FN1: variants seen among roughly 807,000 people sequenced by gnomAD.
The protein encoded by FN1 is fibronectin.
In FN1, 106 loss-of-function variants were observed where a neutral mutation model predicts 297.3. The observed-to-expected ratio is 0.36, with a 90% CI of 0.30 to 0.42. The LOEUF (loss-of-function observed/expected upper bound fraction) is 0.42, where lower values mean the gene tolerates loss of function less well. FN1 is among the 10% of genes least tolerant of loss of function. FN1 has a pLI of 1.00. For missense variants in FN1, 2,690 were observed against 3,124.9 expected (o/e 0.86, Z 3.32); for synonymous variants, 1,149 against 1,152.6 (o/e 1.00, Z 0.06).
At chr2:215,399,147 G>A in intron 21 of FN1, 110 bp downstream of exon 21, 1 of 786,786 alleles carries the variant, frequency 1.3e-6, no homozygotes, top group Non-Finnish European at 2.3e-6. Flanking sequence ...GACAGAAGCA[G>A]GTGACAAAAC....
At chr2:215,374,527 T>A (rs2056895183) in intron 38 of FN1, among the ~76,000 whole-genome samples, 1 of 152,196 alleles carries the variant, frequency 6.6e-6, no homozygotes, top group South Asian at 2.1e-4. Flanking sequence ...TGTGTGCTTC[T>A]CTCTCCTGCT....
At chr2:215,375,905 G>A (rs1261399244) in intron 36 of FN1, among the ~76,000 whole-genome samples, 187 bp from the exon 37 acceptor site, 4 of 152,166 alleles carry the variant, frequency 2.6e-5, no homozygotes, top group Non-Finnish European at 4.4e-5. Flanking sequence ...AACATATCTC[G>A]AAAGTGAATC....
intron 6 of FN1, among the ~76,000 whole-genome samples, chr2:215,426,147 T>C (rs905651777): frequency 3.4e-5 from 1 of 29,346 alleles, no homozygotes; most frequent in African/African-American, 2.7e-4. Context: ...TTTTTTCTTT[T>C]TTTTTTTTTT....
Position 215,407,111 on chromosome 2 carries a change from T to G in FN1, c.2713+16A>C. 1 of 1,597,698 alleles carries G rather than the reference T, an allele frequency of 6.3e-7. No homozygotes were observed. The highest frequency in any genetic ancestry group is 8.6e-7 in the Non-Finnish European group (1 of 1,165,394). On this transcript the variant is annotated intron_variant, in intron 18 of 45. Transcript: ENST00000354785. ...CTGATAAGATAACATAGGAAGTGTCTTCTTAAAAAAGTTACCTGAGCGTGG... is the reference window on the plus strand; with the variant it reads ...CTGATAAGATAACATAGGAAGTGTCGTCTTAAAAAAGTTACCTGAGCGTGG...
chr2:215,433,945 T>C (rs1261198200), intron 2 of FN1, among the ~76,000 whole-genome samples: 1 of 152,044 alleles, frequency 6.6e-6, no homozygotes, highest in African/African-American at 2.4e-5. Flanking sequence ...CTACTAAAAA[T>C]ATGAAAATTA....
chr2:215,376,771 C>A (rs1559366982), intron 35 of FN1, 97 bp from the exon 36 acceptor site: 1 of 1,050,378 alleles, frequency 9.5e-7, no homozygotes, highest in East Asian at 2.5e-5. Context: ...TCAAATTCAT[C>A]CATTTCAAGA....
chr2:215,411,857 C>T (rs185280396), intron 13 of FN1, among the ~76,000 whole-genome samples: 23 of 151,914 alleles, frequency 1.5e-4, no homozygotes, highest in African/African-American at 4.8e-4. Flanking sequence ...TTAATAGAGA[C>T]GGGGTTTCAC....
intron 43 of FN1, among the ~76,000 whole-genome samples, 167 bp from the exon 44 acceptor site, chr2:215,365,152 T>C (rs2054275598): frequency 1.3e-5 from 2 of 152,094 alleles, no homozygotes; most frequent in Non-Finnish European, 2.9e-5. Context: ...GATCTTAGGG[T>C]GGCACTTCCA....
chr2:215,375,297 A>G lies in FN1; in HGVS notation c.6074T>C (p.Ile2025Thr). 1 of 1,614,122 alleles carries G rather than the reference A, an allele frequency of 6.2e-7. No individual in the cohort carries two copies. ...QPPRARITGY[I>T]IKYEKPGSPP... ...AGACCCAGGCTTCTCATACTTGATG[A>G]TGTAGCCGGTAATCCTGGCACGTGG... The change falls in exon 38 of 46, where the codon ATC (isoleucine) becomes ACC (threonine). Residue 2025 changes from isoleucine to threonine, a missense_variant. Around this residue, in one of 3 missense-constraint regions of FN1, gnomAD observed 1,743 missense variants for 1,945.2 expected, o/e 0.90. Coordinates refer to ENST00000354785, the MANE Select transcript of FN1 (RefSeq NM_212482.4).
At chr2:215,397,271 G>T in intron 22 of FN1, 48 bp from the exon 23 acceptor site, 1 of 1,352,460 alleles carries the variant, frequency 7.4e-7, no homozygotes, top group South Asian at 1.2e-5. Context: ...CAAAGCTCTT[G>T]ACCTGTGTAA....
chr2:215,391,625 T>A lies in FN1; in HGVS notation c.4252+7A>T. 6.2e-7 allele frequency: 1 copy of A among 1,609,886 alleles called. No homozygotes were observed. Among genetic ancestry groups the A allele is most frequent in the South Asian group, 1.1e-5 (1 of 90,994 alleles). On this transcript the variant is annotated splice_region_variant and intron_variant, in intron 26 of 45. Transcript: ENST00000354785. The stretch of plus-strand genomic sequence containing the variant: ...TATTTATGGAACAGATACATTCAAC[T>A]GCTTACTTGTTAAGACCACTGCATT...
At position 215,380,905 on chromosome 2, in the gene FN1, C is replaced by T; in HGVS notation, c.5340G>A (p.Leu1780=). The T allele has an allele frequency of 1.9e-6, 3 of 1,614,206 alleles. No homozygotes were observed. The highest frequency in any genetic ancestry group is 2.5e-6 in the Non-Finnish European group (3 of 1,180,034). Residue 1780 remains leucine, a synonymous_variant, in exon 33 of 46, where the codon CTG becomes CTA. Coordinates refer to ENST00000354785, the MANE Select transcript of FN1 (RefSeq NM_212482.4). ...ACTCAGAACCCGGTCTGAGGCCTTG[C>T]AGCTCTGCAGTGTCTTCTTCACCAT... The part of the protein sequence containing the change: ...APDGEEDTAE[L]QGLRPGSEYT...
In FN1 at chr2:215,375,203, A is replaced by C. The variant is rs2057050537; in HGVS notation, c.6157+11T>G. 5 of 1,613,618 alleles carry C rather than the reference A, an allele frequency of 3.1e-6. No homozygotes were observed. The African/African-American group carries it at 5.3e-5, about 17-fold the overall frequency. ...GTAAGAAGGAAAATGACAGCATGGA[A>C]GCAGCAATACCAGTAATAGTAGCCT... On this transcript the variant is annotated intron_variant, in intron 38 of 45. Transcript: ENST00000354785.
chr2:215,373,382 A>G lies in FN1; in HGVS notation c.6187T>C (p.Tyr2063His). The change falls in exon 39 of 46, where the codon TAT becomes CAT. Residue 2063 changes from tyrosine (Y) to histidine (H), a missense_variant. Transcript: ENST00000354785. ...TGATTATTCTTCAGGGCAATGACAT[A>G]AATTGTATATTCGGTTCCCGGTTCC... ...GLEPGTEYTI[Y>H]VIALKNNQKS... The G allele has an allele frequency of 1.2e-6, 2 of 1,613,424 alleles. No individual in the cohort carries two copies. The highest frequency in any genetic ancestry group is 8.5e-7 in the Non-Finnish European group (1 of 1,179,540).
chr2:215,407,122 G>A lies in FN1; in HGVS notation c.2713+5C>T. The A allele has an allele frequency of 2.5e-6, 4 of 1,612,238 alleles. No individual in the cohort carries two copies. The highest frequency in any genetic ancestry group is 3.4e-6 in the Non-Finnish European group (4 of 1,178,476). On this transcript the variant is annotated splice_donor_5th_base_variant and intron_variant, in intron 18 of 45. Transcript: ENST00000354785. ...ACATAGGAAGTGTCTTCTTAAAAAA[G>A]TTACCTGAGCGTGGGGTGCCAGTGG...
chr2:215,416,522 A>G (rs992231689), intron 12 of FN1, among the ~76,000 whole-genome samples: 3 of 152,188 alleles, frequency 2.0e-5, no homozygotes, highest in East Asian at 1.9e-4. Flanking sequence ...TAAATCAGGA[A>G]AGCTAGGAAT....
chr2:215,378,990 G>T, intron 34 of FN1, 140 bp downstream of exon 34: 2 of 843,800 alleles, frequency 2.4e-6, no homozygotes, highest in South Asian at 1.5e-5. Flanking sequence ...GAATTCCGTT[G>T]ATATAAAATT....
intron 6 of FN1, 68 bp downstream of exon 6, chr2:215,428,112 G>C: frequency 6.4e-7 from 1 of 1,567,132 alleles, no homozygotes; most frequent in Non-Finnish European, 8.8e-7. Flanking sequence ...TCAAAGGAAA[G>C]ATGGATTTGC....
rs1250249 is a variant in FN1 at position 215,422,553 on chromosome 2, A to G, written c.1394-310T>C. On this transcript the variant is annotated intron_variant, in intron 9 of 45. Transcript: ENST00000354785. ...GTTCTAGAAGCCTGGATTTAACTAC[A>G]GCTTCATAACTTTTCCCAGTTCCAG... Among the ~76,000 whole-genome samples the G allele has an allele frequency of 0.27, 40,980 of 152,134 alleles. 7,058 individuals carry two copies. The highest frequency in any genetic ancestry group is 0.92 in the East Asian group (4,785 of 5,184).
Sources: gnomAD v4.1 joint callset for allele counts (sites outside exome capture counted in the v4.1 genomes callset) on GRCh38, gnomAD v4.1.1 for gene constraint, gnomAD v4.1.1 regional missense constraint, MANE v1.5 for transcripts, NCBI Gene and HGNC (gene_info 2026-07-23, HGNC 2026-07-21) for gene names.